The following CFAP299 variants were observed in gnomAD, a reference collection of about 807,000 sequenced individuals.
CFAP299 encodes cilia and flagella associated protein 299, also known as cilia- and flagella-associated protein 299.
A neutral mutation model predicts 27.0 loss-of-function variants in CFAP299; 21 were observed. The observed-to-expected ratio is 0.78, with a 90% confidence interval of 0.55 to 1.12. The LOEUF (loss-of-function observed/expected upper bound fraction) is 1.12. Among genes scored for constraint, CFAP299 ranks in the 50% most tolerant of loss-of-function variants. CFAP299 has a pLI of 0.00. For synonymous variants in CFAP299, 104 were observed against 98.1 expected (o/e 1.06, Z -0.36); for missense variants, 310 against 276.6 (o/e 1.12, Z -0.86).
At chr4:80,893,381 T>G (rs1734443278) in intron 4 of CFAP299, among the ~76,000 whole-genome samples, 1 of 151,926 alleles carries the variant, frequency 6.6e-6, no homozygotes, top group East Asian at 1.9e-4. Flanking sequence ...AATCCTAAAA[T>G]TCATACAGAA....
intron 3 of CFAP299, among the ~76,000 whole-genome samples, chr4:80,671,024 T>C (rs1741447968): frequency 1.3e-5 from 2 of 152,230 alleles, no homozygotes; most frequent in Non-Finnish European, 2.9e-5. Context: ...TTGGCTTTTG[T>C]TGCCATTGCT....
At chr4:80,436,213 TC>T (rs1728064863) in intron 2 of CFAP299, among the ~76,000 whole-genome samples, 1 of 152,184 alleles carries the variant, frequency 6.6e-6, no homozygotes, top group South Asian at 2.1e-4. Flanking sequence ...TTGTCTTACT[TC>T]CCTTAAAGCA....
intron 3 of CFAP299, among the ~76,000 whole-genome samples, chr4:80,783,999 G>T (rs1325328870): frequency 1.4e-5 from 2 of 145,308 alleles, no homozygotes; most frequent in African/African-American, 2.6e-5. Flanking sequence ...CAATATTTTT[G>T]TCTGTGTCTG....
At chr4:80,721,159 A>G (rs996181064) in intron 3 of CFAP299, among the ~76,000 whole-genome samples, 6 of 152,190 alleles carry the variant, frequency 3.9e-5, no homozygotes, top group Non-Finnish European at 8.8e-5. Flanking sequence ...CCAGAAAGGA[A>G]AGGCAGGAGA....
Position 80,582,984 on chromosome 4 carries a change from T to G in CFAP299, c.243-109T>G, listed in dbSNP as rs1055778310. On this transcript the variant is annotated intron_variant, in intron 2 of 5. Coordinates refer to ENST00000358105, the MANE Select transcript of CFAP299 (RefSeq NM_152770.3). ...AGATCATGATTTTATTTATATGGTT[T>G]TCATGTTGCAAGGAAATTGTCACTT... 3 of 573,264 alleles carry G rather than the reference T, an allele frequency of 5.2e-6. No individual in the cohort carries two copies. The African/African-American group carries it at 5.8e-5, about 11-fold the overall frequency. The allele number at this position is 573,264 out of a possible 1,614,324, so 35.5% of individuals were successfully genotyped here. A position where few individuals can be genotyped will look rare whatever the true frequency, so the allele number is the denominator to read the frequency against.
intron 2 of CFAP299, among the ~76,000 whole-genome samples, chr4:80,564,315 A>G (rs944792329): frequency 6.6e-6 from 1 of 152,074 alleles, no homozygotes; most frequent in Admixed American, 6.6e-5. Context: ...ACAATACATT[A>G]GAAAGATCAT....
At chr4:80,791,491 A>T (rs1727567395) in intron 3 of CFAP299, among the ~76,000 whole-genome samples, 1 of 152,082 alleles carries the variant, frequency 6.6e-6, no homozygotes, top group Admixed American at 6.6e-5. Context: ...GTATATTAGC[A>T]ATTATAGCAA....
intron 3 of CFAP299, among the ~76,000 whole-genome samples, chr4:80,625,930 A>G (rs976239358): frequency 6.6e-6 from 1 of 152,036 alleles, no homozygotes; most frequent in Admixed American, 6.6e-5. Context: ...TTGCCATATA[A>G]TAAATTTAGG....
chr4:80,444,023 CAA>C (rs936648887), intron 2 of CFAP299, among the ~76,000 whole-genome samples: 6 of 151,954 alleles, frequency 3.9e-5, no homozygotes, highest in East Asian at 1.9e-4. Flanking sequence ...CTCAAGGAAA[CAA>C]GAGAGGACAC....
At chr4:80,585,611 T>C (rs1007680320) in intron 3 of CFAP299, among the ~76,000 whole-genome samples, 2 of 152,128 alleles carry the variant, frequency 1.3e-5, no homozygotes, top group African/African-American at 2.4e-5. Flanking sequence ...CTCAGTAGTG[T>C]GGACAGAGCT....
At chr4:80,565,166 T>G (rs1015579290) in intron 2 of CFAP299, among the ~76,000 whole-genome samples, 1 of 151,960 alleles carries the variant, frequency 6.6e-6, no homozygotes, top group Non-Finnish European at 1.5e-5. Flanking sequence ...GGCAAAAACA[T>G]GAAATGACCT....
intron 3 of CFAP299, among the ~76,000 whole-genome samples, chr4:80,800,946 C>T (rs1024141476): frequency 6.0e-5 from 9 of 150,870 alleles, no homozygotes; most frequent in African/African-American, 1.7e-4. Flanking sequence ...CATCTGTTCA[C>T]GGGAGAAAGA....
chr4:80,380,174 G>T (rs1578375298), intron 2 of CFAP299, among the ~76,000 whole-genome samples: 1 of 151,904 alleles, frequency 6.6e-6, no homozygotes, highest in South Asian at 2.1e-4. Flanking sequence ...CTCTTGGCAA[G>T]ATTTTTCTGA....
intron 4 of CFAP299, among the ~76,000 whole-genome samples, chr4:80,923,072 A>T (rs1034015893): frequency 3.3e-5 from 5 of 152,014 alleles, no homozygotes; most frequent in Non-Finnish European, 7.4e-5. Flanking sequence ...TAAAATGTTT[A>T]CATTTAGATA....
chr4:80,594,387 C>T (rs1736947847), intron 3 of CFAP299, among the ~76,000 whole-genome samples: 1 of 152,142 alleles, frequency 6.6e-6, no homozygotes, highest in Non-Finnish European at 1.5e-5. Context: ...ATTCAGTTAC[C>T]TCATGCCAGG....
intron 2 of CFAP299, among the ~76,000 whole-genome samples, chr4:80,510,833 A>G (rs1200078638): frequency 6.6e-6 from 1 of 152,222 alleles, no homozygotes; most frequent in African/African-American, 2.4e-5. Context: ...GTACAATGTT[A>G]GATCCAAAAC....
rs564927670 is a variant in CFAP299 at position 80,680,671 on chromosome 4, T to C, written c.333+97488T>C. Among the ~76,000 whole-genome samples the C allele has an allele frequency of 2.4e-4, 37 of 152,254 alleles. 1 individual carries two copies. The highest frequency in any genetic ancestry group is 8.2e-4 in the African/African-American group (34 of 41,574). Reference sequence around the variant, plus strand: ...GATGTTCCACATGGGATTTTTACAGTAAAAACTTGAAACGTAAAGTTTGAG... The same window carrying C: ...GATGTTCCACATGGGATTTTTACAGCAAAAACTTGAAACGTAAAGTTTGAG... On this transcript the variant is annotated intron_variant, in intron 3 of 5. Coordinates refer to ENST00000358105, the MANE Select transcript of CFAP299 (RefSeq NM_152770.3).
intron 2 of CFAP299, among the ~76,000 whole-genome samples, chr4:80,575,853 A>G (rs1241229678): frequency 6.6e-6 from 1 of 152,084 alleles, no homozygotes; most frequent in Non-Finnish European, 1.5e-5. Context: ...TTGCTTCAAG[A>G]TATTTTTAAA....
intron 3 of CFAP299, among the ~76,000 whole-genome samples, chr4:80,671,001 G>A (rs190959072): frequency 6.6e-6 from 1 of 152,132 alleles, no homozygotes; most frequent in Non-Finnish European, 1.5e-5. Flanking sequence ...TAATTAGATC[G>A]CATTTGTCTA....
Sources: gnomAD v4.1 joint callset for allele counts (sites outside exome capture counted in the v4.1 genomes callset) on GRCh38, gnomAD v4.1.1 for gene constraint, MANE v1.5 for transcripts, NCBI Gene and HGNC (gene_info 2026-07-23, HGNC 2026-07-21) for gene names.